The following NRF1 variants were observed in gnomAD, a reference collection of about 807,000 sequenced individuals.
NRF1 encodes the protein nuclear respiratory factor 1, also known as alpha palindromic-binding protein.
In NRF1, 5 loss-of-function variants were observed where a neutral mutation model predicts 58.5. That is an observed-to-expected ratio of 0.09 (90% CI 0.04 to 0.18). The LOEUF is 0.18. NRF1 is among the 10% of genes least tolerant of loss of function. NRF1 has a pLI of 1.00. For missense variants in NRF1, 288 were observed against 657.7 expected (o/e 0.44, Z 6.15); for synonymous variants, 224 against 246.7 (o/e 0.91, Z 0.86).
chr7:129,742,696 G>T (rs1250951752), intron 10 of NRF1, among the ~76,000 whole-genome samples: 1 of 152,168 alleles, frequency 6.6e-6, no homozygotes, highest in Non-Finnish European at 1.5e-5. Context: ...TTAAACAAAG[G>T]CAACTCTTAA....
At chr7:129,621,421 A>G (rs953685219) in intron 1 of NRF1, among the ~76,000 whole-genome samples, 33 of 152,374 alleles carry the variant, frequency 2.2e-4, no homozygotes, top group African/African-American at 7.5e-4. Flanking sequence ...GATGATCTTT[A>G]CATTCAGTAA....
At chr7:129,659,293 G>A (rs532216886) in intron 2 of NRF1, among the ~76,000 whole-genome samples, 11 of 152,154 alleles carry the variant, frequency 7.2e-5, no homozygotes, top group Middle Eastern at 3.4e-3. Flanking sequence ...TGGCCAGGCC[G>A]GTCTTGAATT....
chr7:129,708,914 T>C (rs557496118), intron 5 of NRF1, among the ~76,000 whole-genome samples, 161 bp from the exon 6 acceptor site: 6 of 152,290 alleles, frequency 3.9e-5, no homozygotes, highest in East Asian at 1.9e-4. Context: ...CATGGAGATA[T>C]AGGAACCTAT....
chr7:129,677,006 C>CTTTT (rs1802195655), intron 3 of NRF1, among the ~76,000 whole-genome samples: 3 of 51,110 alleles, frequency 5.9e-5, no homozygotes, highest in Admixed American at 2.7e-4. Flanking sequence ...ATCTTGGTTG[C>CTTTT]ATTTTTTTTT....
chr7:129,696,060 T>TAAAAAAAAAA, intron 5 of NRF1, among the ~76,000 whole-genome samples: 1 of 53,388 alleles, frequency 1.9e-5, no homozygotes, highest in Non-Finnish European at 2.9e-5. Context: ...CCGTCTCTAC[T>TAAAAAAAAAA]AAAAAAAAAA....
At chr7:129,649,936 A>G (rs1028288871) in intron 1 of NRF1, among the ~76,000 whole-genome samples, 1 of 151,834 alleles carries the variant, frequency 6.6e-6, no homozygotes. Flanking sequence ...CATTTTTTGT[A>G]GAGAGGGGGT....
At chr7:129,692,394 T>C (rs1802591110) in intron 5 of NRF1, among the ~76,000 whole-genome samples, 2 of 151,862 alleles carry the variant, frequency 1.3e-5, no homozygotes, top group South Asian at 2.1e-4. Flanking sequence ...CTACAAAAAA[T>C]ACAAAAATTA....
intron 5 of NRF1, among the ~76,000 whole-genome samples, chr7:129,690,983 G>T (rs574411667): frequency 1.3e-5 from 2 of 152,074 alleles, no homozygotes; most frequent in South Asian, 4.2e-4. Flanking sequence ...GCTTCCTTCC[G>T]CAAGAATGTA....
intron 8 of NRF1, 23 bp downstream of exon 8, chr7:129,711,599 A>C: frequency 6.4e-7 from 1 of 1,562,146 alleles, no homozygotes; most frequent in South Asian, 1.1e-5. Context: ...TTCCATCTGC[A>C]TCTTCTTAAA....
At chr7:129,739,957 G>C (rs765266218) in intron 10 of NRF1, among the ~76,000 whole-genome samples, 3 of 152,144 alleles carry the variant, frequency 2.0e-5, no homozygotes, top group South Asian at 2.1e-4. Context: ...TGTTCACTGG[G>C]GCTCTTGATT....
At chr7:129,642,552 C>T (rs1392199126) in intron 1 of NRF1, among the ~76,000 whole-genome samples, 1 of 151,994 alleles carries the variant, frequency 6.6e-6, no homozygotes, top group Non-Finnish European at 1.5e-5. Context: ...AATATAGGCT[C>T]ATTTTTGTTT....
chr7:129,736,045 A>G (rs1438968065), intron 10 of NRF1, among the ~76,000 whole-genome samples: 1 of 152,122 alleles, frequency 6.6e-6, no homozygotes, highest in Non-Finnish European at 1.5e-5. Context: ...AAATAAAATT[A>G]TAAGACCCCA....
intron 8 of NRF1, among the ~76,000 whole-genome samples, chr7:129,716,109 C>G (rs564986887): frequency 6.6e-6 from 1 of 151,732 alleles, no homozygotes; most frequent in South Asian, 2.1e-4. Context: ...CAGAGATGTA[C>G]TGTTTGTGAA....
chr7:129,672,798 TA>T (rs1802081372), intron 3 of NRF1, among the ~76,000 whole-genome samples: 1 of 152,148 alleles, frequency 6.6e-6, no homozygotes, highest in African/African-American at 2.4e-5. Context: ...GTGATGCCTC[TA>T]ACCATTAAGT....
intron 5 of NRF1, among the ~76,000 whole-genome samples, chr7:129,694,235 C>T (rs1349259673): frequency 6.6e-6 from 1 of 152,048 alleles, no homozygotes; most frequent in Non-Finnish European, 1.5e-5. Context: ...GATGAAAAAC[C>T]CAGCTCCCAA....
chr7:129,705,934 C>A (rs1380237159), intron 5 of NRF1, among the ~76,000 whole-genome samples: 2 of 147,962 alleles, frequency 1.4e-5, no homozygotes, highest in East Asian at 4.0e-4. Context: ...GAGCAAGATC[C>A]GAGAGTGAGA....
At chr7:129,640,511 T>G (rs894526273) in intron 1 of NRF1, among the ~76,000 whole-genome samples, 1 of 152,074 alleles carries the variant, frequency 6.6e-6, no homozygotes, top group Non-Finnish European at 1.5e-5. Flanking sequence ...CCCTGTCTCT[T>G]AAAAGACAAA....
chr7:129,617,342 C>T (rs945351308), intron 1 of NRF1, among the ~76,000 whole-genome samples: 1 of 152,094 alleles, frequency 6.6e-6, no homozygotes, highest in Non-Finnish European at 1.5e-5. Flanking sequence ...GGCAGCTAAA[C>T]CTACAAAGAA....
intron 3 of NRF1, among the ~76,000 whole-genome samples, chr7:129,677,079 T>G (rs532942716): frequency 5.4e-5 from 8 of 148,700 alleles, no homozygotes; most frequent in Admixed American, 4.9e-4. Context: ...GGCACCATCT[T>G]GGTTCACTGC....
Sources: allele counts gnomAD v4.1 joint callset (sites outside exome capture counted in the v4.1 genomes callset), GRCh38; gene constraint gnomAD v4.1.1; transcripts MANE v1.5; gene names NCBI Gene and HGNC (gene_info 2026-07-23, HGNC 2026-07-21).